The following TMC1 variants were observed in gnomAD, a reference collection of about 807,000 sequenced individuals.
TMC1 encodes transmembrane channel like 1.
TMC1 carries 84 observed loss-of-function variants against 105.8 expected under a neutral mutation model. That is an observed-to-expected ratio of 0.79 (90% confidence interval 0.67 to 0.95). The LOEUF (loss-of-function observed/expected upper bound fraction) is 0.95. TMC1 is among the 40% of genes least tolerant of loss of function. TMC1 has a pLI of 0.00. For missense variants in TMC1, 817 were observed against 914.1 expected, an observed-to-expected ratio of 0.89 and a Z score of 1.37; for synonymous variants, 315 against 311.5, an observed-to-expected ratio of 1.01 and a Z score of -0.12.
intron 8 of TMC1, among the ~76,000 whole-genome samples, chr9:72,724,713 A>G (rs1052476762): frequency 1.3e-5 from 2 of 152,122 alleles, no homozygotes; most frequent in African/African-American, 4.8e-5. Context: ...TCAACATATT[A>G]TATATAGTAA....
At chr9:72,522,001 C>T (rs1028945078) in intron 1 of TMC1, 88 bp downstream of exon 1, 3 of 152,188 alleles carry the variant, frequency 2.0e-5, no homozygotes, top group African/African-American at 7.2e-5. Context: ...AGACTTTCTC[C>T]ATGAGATATT....
intron 1 of TMC1, among the ~76,000 whole-genome samples, chr9:72,563,779 A>G (rs1203372879): frequency 3.3e-5 from 5 of 151,836 alleles, no homozygotes; most frequent in African/African-American, 7.2e-5. Context: ...GGGTGCCTGT[A>G]ATCCCAGCTA....
At chr9:72,598,780 C>G (rs1824760280) in intron 2 of TMC1, among the ~76,000 whole-genome samples, 1 of 152,106 alleles carries the variant, frequency 6.6e-6, no homozygotes. Context: ...AAAATCCTTC[C>G]TACTGTTCTT....
intron 21 of TMC1, 74 bp from the exon 22 acceptor site, chr9:72,830,377 T>G (rs1038474706): frequency 3.1e-6 from 3 of 970,776 alleles, no homozygotes; most frequent in Non-Finnish European, 3.3e-6. Flanking sequence ...CATAATTTAC[T>G]TAATGTAAAT....
At chr9:72,644,970 G>T (rs1825686175) in intron 4 of TMC1, among the ~76,000 whole-genome samples, 1 of 152,102 alleles carries the variant, frequency 6.6e-6, no homozygotes, top group Non-Finnish European at 1.5e-5. Flanking sequence ...AATTTATCGT[G>T]AAGCGTGGGT....
chr9:72,701,313 C>T (rs1334943093), intron 8 of TMC1, among the ~76,000 whole-genome samples: 3 of 152,152 alleles, frequency 2.0e-5, no homozygotes, highest in Non-Finnish European at 2.9e-5. Flanking sequence ...CGAACGCAGT[C>T]AGAGCACACA....
At position 72,788,337 on chromosome 9, in the gene TMC1, A is replaced by C. The variant is rs1564554148; in HGVS notation, c.885-2A>C. ...GCTGGGTTAAACTTCCTGTTTTTGC[A>C]GAATGACCAAAAACATTGGTGATGA... is the stretch of plus-strand genomic sequence containing the variant. On this transcript the variant is annotated splice_acceptor_variant, in intron 13 of 23. Coordinates refer to ENST00000297784, the MANE Select transcript of TMC1 (RefSeq NM_138691.3). LOFTEE classifies it high-confidence loss of function. 3 of 1,613,970 alleles carry C rather than the reference A, an allele frequency of 1.9e-6. No homozygotes were observed. Among genetic ancestry groups the C allele is most frequent in the Non-Finnish European group, 8.5e-7 (1 of 1,179,894 alleles).
At position 72,693,836 on chromosome 9, in the gene TMC1, G is replaced by A. The variant is rs981540799; in HGVS notation, c.65-707G>A. Reference sequence around the variant, plus strand: ...TCCTAAAAAGTTATGAACACATGAGGCATTCATTGTTGTTGATGATGAAAC... The same window carrying A: ...TCCTAAAAAGTTATGAACACATGAGACATTCATTGTTGTTGATGATGAAAC... On this transcript the variant is annotated intron_variant, in intron 6 of 23. Transcript: ENST00000297784. Among the ~76,000 whole-genome samples the A allele has an allele frequency of 2.6e-5, 4 of 151,868 alleles. No homozygotes were observed. The South Asian group carries it at 8.3e-4, about 32-fold the overall frequency.
intron 1 of TMC1, among the ~76,000 whole-genome samples, chr9:72,522,576 A>T (rs1005763957): frequency 6.6e-6 from 1 of 152,226 alleles, no homozygotes; most frequent in African/African-American, 2.4e-5. Flanking sequence ...GGGAAGAAAT[A>T]CAGAGAACTA....
At chr9:72,647,121 G>A (rs1377247479) in intron 4 of TMC1, among the ~76,000 whole-genome samples, 2 of 139,394 alleles carry the variant, frequency 1.4e-5, no homozygotes, top group East Asian at 4.3e-4. Flanking sequence ...TAGCCTGGGT[G>A]ACAGAGTGAG....
intron 23 of TMC1, among the ~76,000 whole-genome samples, chr9:72,833,979 G>T (rs1829080161): frequency 1.3e-5 from 2 of 148,990 alleles, no homozygotes; most frequent in Admixed American, 6.7e-5. Context: ...CTCTTTGGTT[G>T]AAGGGAATTT....
intron 18 of TMC1, among the ~76,000 whole-genome samples, chr9:72,815,097 C>T (rs577785140): frequency 6.6e-6 from 1 of 152,068 alleles, no homozygotes; most frequent in East Asian, 1.9e-4. Context: ...ATTCTTATTC[C>T]CTTATTACCA....
chr9:72,557,238 GC>G (rs1823957635), intron 1 of TMC1, among the ~76,000 whole-genome samples: 1 of 152,122 alleles, frequency 6.6e-6, no homozygotes, highest in Admixed American at 6.5e-5. Flanking sequence ...GGGCGTGGTG[GC>G]CCACACCTGT....
intron 1 of TMC1, among the ~76,000 whole-genome samples, chr9:72,540,612 A>G (rs1176444990): frequency 6.6e-6 from 1 of 152,048 alleles, no homozygotes; most frequent in Non-Finnish European, 1.5e-5. Context: ...TTGTCTTTGC[A>G]ATCTGTCTCT....
intron 1 of TMC1, among the ~76,000 whole-genome samples, chr9:72,561,158 A>G (rs1414779402): frequency 6.6e-6 from 1 of 151,826 alleles, no homozygotes. Context: ...CATCTCTACT[A>G]AAAATGCAAA....
At chr9:72,548,117 T>C (rs763940835) in intron 1 of TMC1, among the ~76,000 whole-genome samples, 1 of 152,154 alleles carries the variant, frequency 6.6e-6, no homozygotes, top group Non-Finnish European at 1.5e-5. Context: ...CACAGGAATT[T>C]TGGGGGTACA....
intron 20 of TMC1, among the ~76,000 whole-genome samples, chr9:72,825,874 T>C (rs1232234801): frequency 6.6e-6 from 1 of 152,234 alleles, no homozygotes; most frequent in Non-Finnish European, 1.5e-5. Flanking sequence ...TGTACCTCTG[T>C]AGTCCAATGA....
rs1824831006 is a variant in TMC1, at chr9:72,602,331, T to C, written c.-305-14037T>C. On this transcript the variant is annotated intron_variant, in intron 2 of 23. Coordinates refer to ENST00000297784, the MANE Select transcript of TMC1 (RefSeq NM_138691.3). ...GAGCAAGAATTGAACCCAGATTTGA[T>C]ATGCGAATGACTTGCTGTGATTCTC... is the stretch of plus-strand genomic sequence containing the variant. Among the ~76,000 whole-genome samples, 3 of 151,588 alleles carry C rather than the reference T, an allele frequency of 2.0e-5. No homozygotes were observed. In the South Asian group the frequency reaches 6.3e-4, roughly 32 times the overall value.
chr9:72,792,129 G>A, intron 16 of TMC1, 62 bp from the exon 17 acceptor site: 1 of 1,613,526 alleles, frequency 6.2e-7, no homozygotes, highest in Non-Finnish European at 8.5e-7. Context: ...TCTCAAGTTT[G>A]CCAGAAATGC....
Sources: allele counts gnomAD v4.1 joint callset (sites outside exome capture counted in the v4.1 genomes callset), GRCh38; gene constraint gnomAD v4.1.1; transcripts MANE v1.5; gene names NCBI Gene and HGNC (gene_info 2026-07-23, HGNC 2026-07-21).